Variants in WDPCP observed in about 807,000 individuals in gnomAD.
WDPCP encodes the protein WD repeat containing planar cell polarity effector, also known as WD repeat-containing and planar cell polarity effector protein fritz homolog.
WDPCP carries 71 observed loss-of-function variants against 93.1 expected under a neutral mutation model. The observed-to-expected ratio is 0.76, with a 90% confidence interval of 0.63 to 0.93. The LOEUF (loss-of-function observed/expected upper bound fraction) is 0.93, where lower values mean the gene tolerates loss of function less well. Ranked by LOEUF, WDPCP falls within the 40% of genes least tolerant of loss-of-function variation. The pLI, the probability that WDPCP is intolerant of heterozygous loss-of-function variation, is 0.00. For missense variants in WDPCP, 844 were observed against 887.4 expected, an observed-to-expected ratio of 0.95 and a Z score of 0.62; for synonymous variants, 315 against 315.0, an observed-to-expected ratio of 1.00 and a Z score of 0.00.
chr2:63,698,425 T>C (rs974744289), intron 2 of WDPCP, among the ~76,000 whole-genome samples: 1 of 152,118 alleles, frequency 6.6e-6, no homozygotes, highest in African/African-American at 2.4e-5. Flanking sequence ...TCAAACTCAT[T>C]AATGCGTAAA....
intron 2 of WDPCP, among the ~76,000 whole-genome samples, chr2:63,692,178 T>C (rs557251138): frequency 1.2e-3 from 180 of 152,164 alleles, no homozygotes; most frequent in Non-Finnish European, 1.5e-3. Context: ...AATATAAGTA[T>C]ATAAAACACA....
chr2:63,461,494 C>T (rs1443395185), intron 6 of WDPCP, among the ~76,000 whole-genome samples: 1 of 152,138 alleles, frequency 6.6e-6, no homozygotes, highest in African/African-American at 2.4e-5. Context: ...CTTGTACAGC[C>T]TGCATAACCA....
intron 12 of WDPCP, among the ~76,000 whole-genome samples, chr2:63,364,115 A>G (rs1182579455): frequency 6.6e-6 from 1 of 152,174 alleles, no homozygotes; most frequent in Non-Finnish European, 1.5e-5. Flanking sequence ...TTAGTTACTC[A>G]TAAGTGGATT....
Position 63,570,783 on chromosome 2 carries a change from A to G in WDPCP, c.75+17414T>C, listed in dbSNP as rs1297512735. Among the ~76,000 whole-genome samples the G allele has an allele frequency of 2.6e-5, 4 of 152,220 alleles. No homozygotes were observed. In the East Asian group the frequency reaches 7.7e-4, roughly 29 times the overall value. ...TGCCATATGCTAGTCATGAAGTTTA[A>G]TTCAGTTTTCATTTTCTGAGGTGGT... On this transcript the variant is annotated intron_variant, in intron 1 of 17. Transcript: ENST00000272321.
At chr2:63,133,318 G>A (rs1670408695) in intron 17 of WDPCP, among the ~76,000 whole-genome samples, 1 of 152,188 alleles carries the variant, frequency 6.6e-6, no homozygotes, top group Admixed American at 6.5e-5. Context: ...CTGAGATTAA[G>A]GCCATGCTTG....
intron 3 of WDPCP, chr2:63,597,409 A>G (rs745335809): frequency 7.0e-7 from 1 of 1,434,212 alleles, no homozygotes; most frequent in East Asian, 2.6e-5. Context: ...ATGTCATCGC[A>G]ACAGATAAAG....
At chr2:63,317,097 T>C (rs779270638) in intron 12 of WDPCP, among the ~76,000 whole-genome samples, 12 of 152,082 alleles carry the variant, frequency 7.9e-5, no homozygotes, top group Non-Finnish European at 1.5e-4. Flanking sequence ...TAAGAATCAA[T>C]ACCGTTAAAA....
chr2:63,446,554 T>C (rs1255040409), intron 6 of WDPCP, among the ~76,000 whole-genome samples: 1 of 152,198 alleles, frequency 6.6e-6, no homozygotes, highest in Non-Finnish European at 1.5e-5. Flanking sequence ...CAAATTTTAA[T>C]CAATCCTTTT....
At chr2:63,524,019 C>T (rs1703138454) in intron 1 of WDPCP, among the ~76,000 whole-genome samples, 1 of 152,104 alleles carries the variant, frequency 6.6e-6, no homozygotes, top group African/African-American at 2.4e-5. Context: ...TCACAATAGA[C>T]ACAAAAAGAA....
intron 10 of WDPCP, chr2:63,403,790 C>T (rs1032498147): frequency 2.2e-5 from 10 of 444,462 alleles, no homozygotes; most frequent in East Asian, 4.3e-5. Context: ...TATTTTAGAG[C>T]GTATCAAATG....
intron 6 of WDPCP, chr2:63,477,759 A>G (rs1700052800): frequency 6.6e-6 from 1 of 152,216 alleles, no homozygotes; most frequent in African/African-American, 2.4e-5. Context: ...CCCCGAACAC[A>G]CACCCTAAAT....
intron 10 of WDPCP, among the ~76,000 whole-genome samples, chr2:63,382,477 AT>A (rs1692395508): frequency 6.6e-6 from 1 of 152,076 alleles, no homozygotes; most frequent in Non-Finnish European, 1.5e-5. Flanking sequence ...GTTTTATGTA[AT>A]TTTTTAAATC....
intron 12 of WDPCP, among the ~76,000 whole-genome samples, chr2:63,377,318 T>G (rs1691925237): frequency 6.6e-6 from 1 of 151,722 alleles, no homozygotes; most frequent in African/African-American, 2.4e-5. Flanking sequence ...GATTATATTA[T>G]TAGTAAAATT....
At chr2:63,774,066 C>T (rs1670268513) in intron 2 of WDPCP, among the ~76,000 whole-genome samples, 1 of 152,012 alleles carries the variant, frequency 6.6e-6, no homozygotes. Context: ...GATTAAAAGA[C>T]CTCCTACTCT....
Position 63,588,123 on chromosome 2 carries a change from G to C in WDPCP, c.75+74C>G, listed in dbSNP as rs747957877. The C allele has an allele frequency of 4.0e-6, 6 of 1,515,824 alleles. No homozygotes were observed. The Admixed American group carries it at 7.8e-5, about 20-fold the overall frequency. The allele number at this position is 1,515,824 out of a possible 1,614,324, so 93.9% of individuals were successfully genotyped here. On this transcript the variant is annotated intron_variant, in intron 1 of 17. Coordinates refer to ENST00000272321, the MANE Select transcript of WDPCP (RefSeq NM_015910.7). ...CATCCGCACAGCGGATAAAAGCAAA[G>C]CGGGACGGCGCACCAACCGCATTCC...
At chr2:63,553,093 G>A (rs570754922) in intron 1 of WDPCP, among the ~76,000 whole-genome samples, 61 of 152,314 alleles carry the variant, frequency 4.0e-4, no homozygotes, top group Middle Eastern at 3.4e-3. Flanking sequence ...GAAAGCAACA[G>A]TATTTTTTAA....
chr2:63,698,273 G>A (rs1668991198), intron 2 of WDPCP, among the ~76,000 whole-genome samples: 1 of 152,096 alleles, frequency 6.6e-6, no homozygotes, highest in African/African-American at 2.4e-5. Context: ...TTCTTGAGGT[G>A]AAATCAGCTC....
upstream of WDPCP, chr2:63,593,711 TCTAA>T (rs1433884058): frequency 2.5e-5 from 12 of 471,160 alleles, no homozygotes; most frequent in Non-Finnish European, 5.3e-5. Context: ...AATTTTTCTG[TCTAA>T]CTAAACCTAC....
At chr2:63,461,946 T>G (rs1177939158) in intron 6 of WDPCP, among the ~76,000 whole-genome samples, 2 of 152,242 alleles carry the variant, frequency 1.3e-5, no homozygotes, top group African/African-American at 4.8e-5. Context: ...GTGTGGCAAT[T>G]CCTCAAGGAT....
Sources: allele counts gnomAD v4.1 joint callset (sites outside exome capture counted in the v4.1 genomes callset), GRCh38; gene constraint gnomAD v4.1.1; transcripts MANE v1.5; gene names NCBI Gene and HGNC (gene_info 2026-07-23, HGNC 2026-07-21).